EHMT1: variants seen among roughly 807,000 people sequenced by gnomAD.
EHMT1 encodes euchromatic histone lysine methyltransferase 1.
EHMT1 carries 15 observed loss-of-function variants against 147.2 expected under a neutral mutation model. The ratio of observed to expected loss-of-function variants is 0.10; its 90% CI spans 0.07 to 0.16. EHMT1 has a LOEUF of 0.16. Among genes scored for constraint, EHMT1 ranks in the 10% least tolerant of loss-of-function variants. The pLI is 1.00. For synonymous variants in EHMT1, 795 were observed against 709.6 expected, an observed-to-expected ratio of 1.12 and a Z score of -1.91; for missense variants, 1,587 against 1,772.4, an observed-to-expected ratio of 0.90 and a Z score of 1.88.
chr9:137,814,759 CG>C lies in EHMT1; in HGVS notation c.3258+256del. The C allele has an allele frequency of 5.3e-6, 3 of 565,674 alleles. No individual in the cohort carries two copies. In the South Asian group the frequency reaches 6.0e-5, roughly 11 times the overall value. 35.0% of individuals were successfully genotyped at this position (565,674 alleles called of 1,614,324 possible). ...TCCTTTGTGGCTGCCTGGATGGTGG[CG>C]GGGGTGGGCAGCGTCAGCCTGGCTT... On this transcript the variant is annotated intron_variant, in intron 22 of 26. Transcript: ENST00000460843.
intron 1 of EHMT1, among the ~76,000 whole-genome samples, chr9:137,649,494 G>A (rs964221529): frequency 6.8e-6 from 1 of 148,012 alleles, no homozygotes; most frequent in Admixed American, 6.7e-5. Flanking sequence ...AAACAAAAAT[G>A]TCCTCCCAAA....
intron 1 of EHMT1, among the ~76,000 whole-genome samples, chr9:137,678,814 G>A (rs1305567323): frequency 6.6e-6 from 1 of 151,662 alleles, no homozygotes; most frequent in East Asian, 1.9e-4. Context: ...CTGGCAGATG[G>A]GCATTGGTTA....
chr9:137,747,002 G>A (rs1317365236), intron 6 of EHMT1: 2 of 152,184 alleles, frequency 1.3e-5, no homozygotes, highest in African/African-American at 4.8e-5. Flanking sequence ...AAGATGGCAG[G>A]AACAGCCTTA....
At chr9:137,780,150 G>GGCAT (rs1367039169) in intron 14 of EHMT1, among the ~76,000 whole-genome samples, 1 of 144,158 alleles carries the variant, frequency 6.9e-6, no homozygotes. Context: ...TGGTGATGAC[G>GGCAT]CTGAGATGTG....
At chr9:137,711,053 G>A in intron 2 of EHMT1, 23 bp downstream of exon 2, 3 of 1,576,200 alleles carry the variant, frequency 1.9e-6, no homozygotes, top group Non-Finnish European at 1.7e-6. Context: ...TGCACCGAGG[G>A]ACAGGAGCAG....
At chr9:137,780,625 G>GGCAT (rs1951361615) in intron 14 of EHMT1, among the ~76,000 whole-genome samples, 1 of 120,664 alleles carries the variant, frequency 8.3e-6, no homozygotes, top group East Asian at 2.8e-4. Context: ...TGGTGATGAC[G>GGCAT]CTGAGATGTG....
At chr9:137,674,777 A>C (rs1941073120) in intron 1 of EHMT1, 2 of 152,180 alleles carry the variant, frequency 1.3e-5, no homozygotes, top group Admixed American at 6.5e-5. Flanking sequence ...GCCCGTGATG[A>C]GCTGCAAGGG....
At chr9:137,799,023 G>T (rs1030387209) in intron 17 of EHMT1, 109 bp downstream of exon 17, 5 of 848,344 alleles carry the variant, frequency 5.9e-6, no homozygotes, top group South Asian at 1.4e-5. Context: ...CCCCTCCCAC[G>T]CACAGAGCCA....
intron 3 of EHMT1, among the ~76,000 whole-genome samples, chr9:137,718,957 T>C (rs1008126434): frequency 7.9e-5 from 12 of 152,078 alleles, no homozygotes; most frequent in African/African-American, 2.7e-4. Flanking sequence ...GGTTTCACCA[T>C]GTTGGCCAGG....
intron 16 of EHMT1, among the ~76,000 whole-genome samples, chr9:137,796,900 C>T (rs1362895470): frequency 6.6e-6 from 1 of 152,028 alleles, no homozygotes; most frequent in African/African-American, 2.4e-5. Flanking sequence ...CATAGAGCAG[C>T]AGGCAGGGTC....
chr9:137,650,861 CTG>C (rs1308745473), intron 1 of EHMT1: 4 of 151,586 alleles, frequency 2.6e-5, no homozygotes, highest in Non-Finnish European at 5.9e-5. Context: ...TTTGTGCAGA[CTG>C]TGTTGATCAG....
chr9:137,688,523 G>A (rs745978271), intron 1 of EHMT1, among the ~76,000 whole-genome samples: 3 of 152,138 alleles, frequency 2.0e-5, no homozygotes, highest in Non-Finnish European at 4.4e-5. Context: ...CTTGCTGGAG[G>A]CTCTTGAAAT....
intron 15 of EHMT1, chr9:137,784,583 C>T (rs375497496): frequency 3.1e-6 from 1 of 317,666 alleles, no homozygotes; most frequent in African/African-American, 2.2e-5. Flanking sequence ...TACAAACTTT[C>T]CAGTTTTTGC....
intron 1 of EHMT1, among the ~76,000 whole-genome samples, chr9:137,681,190 G>A (rs748227514): frequency 1.3e-5 from 2 of 152,172 alleles, no homozygotes; most frequent in African/African-American, 2.4e-5. Context: ...AGGGAGAACT[G>A]GGTGGTTCAG....
rs1044578016 is a variant in EHMT1 at position 137,741,712 on chromosome 9, C to G, written c.824-1659C>G. Among the ~76,000 whole-genome samples, 10 of 152,264 alleles carry G rather than the reference C, an allele frequency of 6.6e-5. No individual in the cohort carries two copies. The East Asian group carries it at 1.9e-3, about 29-fold the overall frequency. ...CAACCCTGCAGTCAGCCCTGCAGAA[C>G]CTGTGTAATATGAAAAGTTGGCCCT... On this transcript the variant is annotated intron_variant, in intron 4 of 26. Coordinates refer to ENST00000460843, the MANE Select transcript of EHMT1 (RefSeq NM_024757.5).
rs370722547 is a variant in EHMT1 at position 137,784,351 on chromosome 9, T to C, written c.2382+1954T>C. The stretch of plus-strand genomic sequence containing the variant: ...TTAAAGGCCCAGCCTCAAAACCTCA[T>C]TGGGGCCCCCAGCCCCGGTAAATAA... On this transcript the variant is annotated intron_variant, in intron 15 of 26. Transcript: ENST00000460843. The C allele has an allele frequency of 2.4e-4, 309 of 1,285,630 alleles. 1 individual carries two copies. In the East Asian group the frequency reaches 6.8e-3, roughly 28 times the overall value. 79.6% of individuals were successfully genotyped at this position (1,285,630 alleles called of 1,614,324 possible).
intron 4 of EHMT1, among the ~76,000 whole-genome samples, chr9:137,742,753 C>G (rs190421037): frequency 1.3e-4 from 20 of 152,306 alleles, no homozygotes; most frequent in Non-Finnish European, 2.8e-4. Flanking sequence ...CAGGCACTGT[C>G]TTTCCCCTTA....
chr9:137,803,982 C>T (rs1319440688), intron 18 of EHMT1, among the ~76,000 whole-genome samples: 1 of 152,146 alleles, frequency 6.6e-6, no homozygotes, highest in African/African-American at 2.4e-5. Context: ...TTAATTGACT[C>T]ACCCTTCAGC....
intron 15 of EHMT1, chr9:137,784,292 A>T: frequency 6.9e-7 from 1 of 1,451,294 alleles, no homozygotes; most frequent in Non-Finnish European, 9.2e-7. Context: ...CCTTTCAGAG[A>T]GGCGTGGCTC....
Sources: gnomAD v4.1 joint callset for allele counts (sites outside exome capture counted in the v4.1 genomes callset) on GRCh38, gnomAD v4.1.1 for gene constraint, MANE v1.5 for transcripts, NCBI Gene and HGNC (gene_info 2026-07-23, HGNC 2026-07-21) for gene names.